The following SMCHD1 variants were observed in gnomAD, a reference collection of about 807,000 sequenced individuals.
The protein encoded by SMCHD1 is structural maintenance of chromosomes flexible hinge domain-containing protein 1.
A neutral mutation model predicts 254.7 loss-of-function variants in SMCHD1; 78 were observed. The observed-to-expected ratio is 0.31, with a 90% CI of 0.26 to 0.37. The LOEUF is 0.37. Among genes scored for constraint, SMCHD1 ranks in the 10% least tolerant of loss-of-function variants. The pLI, the probability that SMCHD1 is intolerant of heterozygous loss-of-function variation, is 1.00. For missense variants in SMCHD1, 1,840 were observed against 2,408.1 expected (o/e 0.76, Z 4.94); for synonymous variants, 766 against 794.9 (o/e 0.96, Z 0.61).
intron 44 of SMCHD1, among the ~76,000 whole-genome samples, chr18:2,782,819 G>A (rs1442110376): frequency 6.7e-6 from 1 of 149,822 alleles, no homozygotes; most frequent in Non-Finnish European, 1.5e-5. Context: ...TTGATAAGTG[G>A]ATAGCACATG....
At chr18:2,658,465 A>T (rs187810648) in intron 1 of SMCHD1, among the ~76,000 whole-genome samples, 1 of 152,158 alleles carries the variant, frequency 6.6e-6, no homozygotes, top group Admixed American at 6.5e-5. Flanking sequence ...AGATGTATTT[A>T]TTCCTTCCTT....
intron 17 of SMCHD1, among the ~76,000 whole-genome samples, chr18:2,716,800 G>T (rs2074809936): frequency 6.6e-6 from 1 of 152,210 alleles, no homozygotes; most frequent in South Asian, 2.1e-4. Flanking sequence ...ACCATCTGCT[G>T]CTGGCAGCAA....
chr18:2,687,021 GA>G lies in SMCHD1; in HGVS notation c.639-1371del, dbSNP rs2074066789. 2.6e-5 allele frequency among the ~76,000 whole-genome samples: 4 copies of G among 151,446 alleles called. No homozygotes were observed. The South Asian group carries it at 8.4e-4, about 32-fold the overall frequency. ...CTTTATATCTTCTCTGATCTTCTTT[GA>G]AGTTTTAACATGCATATTTAACTTT... is the stretch of plus-strand genomic sequence containing the variant. On this transcript the variant is annotated intron_variant, in intron 5 of 47. Transcript: ENST00000320876.
At chr18:2,734,958 C>T (rs544810331) in intron 25 of SMCHD1, among the ~76,000 whole-genome samples, 1 of 151,952 alleles carries the variant, frequency 6.6e-6, no homozygotes, top group African/African-American at 2.4e-5. Flanking sequence ...GTGATCCCAG[C>T]TACTCAGGAG....
chr18:2,753,559 T>G lies in SMCHD1; in HGVS notation c.4346+1007T>G, dbSNP rs1338710938. On this transcript the variant is annotated intron_variant, in intron 34 of 47. Transcript: ENST00000320876. ...TGTTTAACTTGAGTAGCTTGAGGGT[T>G]TATTTCTTTTTAATACATAGCCTTG... 2.6e-5 allele frequency among the ~76,000 whole-genome samples: 4 copies of G among 152,142 alleles called. No homozygotes were observed. In the East Asian group the frequency reaches 7.7e-4, roughly 29 times the overall value.
chr18:2,696,402 G>A (rs2074286380), intron 8 of SMCHD1, among the ~76,000 whole-genome samples: 1 of 152,152 alleles, frequency 6.6e-6, no homozygotes, highest in African/African-American at 2.4e-5. Context: ...ATTTCTCATA[G>A]GAGCACGAAC....
At chr18:2,771,892 A>T (rs2075990128) in intron 40 of SMCHD1, among the ~76,000 whole-genome samples, 1 of 152,180 alleles carries the variant, frequency 6.6e-6, no homozygotes, top group African/African-American at 2.4e-5. Flanking sequence ...TAACCACTAC[A>T]CGTGATGGTA....
chr18:2,736,797 G>A (rs112727743), intron 25 of SMCHD1, among the ~76,000 whole-genome samples: 1,888 of 152,270 alleles, frequency 0.012, 11 homozygotes, highest in Non-Finnish European at 0.02. Context: ...ATGCACTGTC[G>A]GTTGGACTGT....
chr18:2,673,589 A>G (rs535132395), intron 4 of SMCHD1, among the ~76,000 whole-genome samples: 1 of 140,738 alleles, frequency 7.1e-6, no homozygotes, highest in South Asian at 2.1e-4. Context: ...TTAACAGTAC[A>G]TTGTTAACAT....
intron 47 of SMCHD1, among the ~76,000 whole-genome samples, chr18:2,797,399 T>C: frequency 6.6e-6 from 1 of 152,252 alleles, no homozygotes; most frequent in Non-Finnish European, 1.5e-5. Flanking sequence ...AATTGTAGAC[T>C]CTACCTGAAT....
chr18:2,706,496 C>T, intron 15 of SMCHD1, 26 bp downstream of exon 15: 1 of 1,465,544 alleles, frequency 6.8e-7, no homozygotes, highest in Non-Finnish European at 9.4e-7. Flanking sequence ...AGATGCATGA[C>T]AAAAATAAGA....
At chr18:2,709,794 A>G (rs2074625930) in intron 17 of SMCHD1, among the ~76,000 whole-genome samples, 1 of 152,136 alleles carries the variant, frequency 6.6e-6, no homozygotes, top group Non-Finnish European at 1.5e-5. Context: ...ATAATCCTGG[A>G]TATTAATCCC....
At chr18:2,699,904 T>C (rs2074364713) in intron 10 of SMCHD1, among the ~76,000 whole-genome samples, 1 of 152,212 alleles carries the variant, frequency 6.6e-6, no homozygotes, top group Non-Finnish European at 1.5e-5. Flanking sequence ...TATGTCAGGA[T>C]CACATTGTTT....
Position 2,763,764 on chromosome 18 carries a change from T to A in SMCHD1, c.4694T>A (p.Phe1565Tyr). 6.2e-7 allele frequency: 1 copy of A among 1,609,296 alleles called. No homozygotes were observed. Among genetic ancestry groups the A allele is most frequent in the Non-Finnish European group, 8.5e-7 (1 of 1,178,218 alleles). ...AAAGTTAGAACACTTGAATTCCCCT[T>A]CGTGAATGGTTCGGCTGAAATCATG... ...IGKVRTLEFP[F>Y]VNGSAEIMSL... is the part of the protein sequence containing the mutation. The change falls in exon 37 of 48, where the codon TTC (phenylalanine) becomes TAC (tyrosine). Residue 1565 changes from phenylalanine (F) to tyrosine (Y), a missense_variant. Phe to Tyr is a conservative substitution (Grantham distance 22, BLOSUM62 3). This residue lies in a region of SMCHD1 where 881 missense variants were observed against 1,009.5 expected (regional missense o/e 0.87). Coordinates refer to ENST00000320876, the MANE Select transcript of SMCHD1 (RefSeq NM_015295.3).
chr18:2,725,873 C>A (rs1817732471), intron 21 of SMCHD1, among the ~76,000 whole-genome samples: 1 of 151,762 alleles, frequency 6.6e-6, no homozygotes, highest in African/African-American at 2.4e-5. Context: ...AAATTACTTA[C>A]AAAGGAGTTC....
chr18:2,750,384 A>G lies in SMCHD1; in HGVS notation c.4042A>G (p.Asn1348Asp). The G allele has an allele frequency of 6.2e-7, 1 of 1,612,860 alleles. No individual in the cohort carries two copies. Among genetic ancestry groups the G allele is most frequent in the East Asian group, 2.2e-5 (1 of 44,810 alleles). The change falls in exon 32 of 48, where the codon AAC (asparagine) becomes GAC (aspartate). Residue 1348 changes from asparagine (N) to aspartate (D), a missense_variant. Physicochemically the swap from Asn to Asp is conservative, Grantham distance 23. Transcript: ENST00000320876. ...TACTCTTCAGGTTAAAGCCATCTAT[A>G]ACAAAAGTATCATAGAAGGACCTAT... The part of the protein sequence containing the change: ...EHTLQVKAIY[N>D]KSIIEGPIIK...
At chr18:2,695,614 AT>A (rs1312500136) in intron 8 of SMCHD1, among the ~76,000 whole-genome samples, 9 of 150,510 alleles carry the variant, frequency 6.0e-5, no homozygotes. Context: ...CCGGCCTAAA[AT>A]TTTTTTTTTA....
chr18:2,777,884 A>G lies in SMCHD1; in HGVS notation c.5445A>G (p.Thr1815=), dbSNP rs1157179345. 3 of 1,549,108 alleles carry G rather than the reference A, an allele frequency of 1.9e-6. No individual in the cohort carries two copies. Among genetic ancestry groups the G allele is most frequent in the East Asian group, 4.8e-5 (2 of 41,416 alleles). ...CAGTCTTTGCTCGAGACTTGTTAAC[A>G]TTTCCAGATAATGTAGAACATTGTG... The part of the protein sequence containing the change: ...GDPVFARDLL[T]FPDNVEHCET... Residue 1815 remains threonine (T), a synonymous_variant, in exon 43 of 48, where the codon ACA becomes ACG. Transcript: ENST00000320876.
intron 25 of SMCHD1, among the ~76,000 whole-genome samples, chr18:2,736,102 C>A (rs1414631627): frequency 1.3e-5 from 2 of 152,162 alleles, no homozygotes; most frequent in Non-Finnish European, 2.9e-5. Context: ...AGAAATAAAA[C>A]TGTACACATA....
Sources: allele counts gnomAD v4.1 joint callset (sites outside exome capture counted in the v4.1 genomes callset), GRCh38; gene constraint gnomAD v4.1.1; regional missense constraint gnomAD v4.1.1; transcripts MANE v1.5; gene names NCBI Gene and HGNC (gene_info 2026-07-23, HGNC 2026-07-21).